DISP1: variants seen among roughly 807,000 people sequenced by gnomAD.
DISP1 encodes the protein protein dispatched homolog 1.
Under a neutral mutation model 37.3 loss-of-function variants are expected in DISP1, and 30 were observed. The ratio of observed to expected loss-of-function variants is 0.80; its 90% CI spans 0.60 to 1.09. The LOEUF (loss-of-function observed/expected upper bound fraction) is 1.09. Ranked by LOEUF, DISP1 falls within the 50% of genes least tolerant of loss-of-function variation. The probability of loss-of-function intolerance (pLI) is 0.00; values close to 1 mark genes in which losing one functional copy is unlikely to be tolerated. For synonymous variants in DISP1, 634 were observed against 690.2 expected, an observed-to-expected ratio of 0.92 and a Z score of 1.28; for missense variants, 1,598 against 1,879.5, an observed-to-expected ratio of 0.85 and a Z score of 2.77.
At chr1:222,948,677 A>G (rs529920141) in intron 3 of DISP1, among the ~76,000 whole-genome samples, 1 of 152,332 alleles carries the variant, frequency 6.6e-6, no homozygotes, top group South Asian at 2.1e-4. Context: ...TAAGTACTTA[A>G]TGAAATGTTA....
intron 3 of DISP1, 98 bp downstream of exon 3, chr1:222,943,430 G>C: frequency 6.5e-7 from 1 of 1,537,904 alleles, no homozygotes; most frequent in Admixed American, 1.7e-5. Flanking sequence ...GAAAAATGAG[G>C]CACAGAAAGA....
chr1:222,929,339 T>C (rs2125454399), intron 2 of DISP1, among the ~76,000 whole-genome samples: 1 of 152,260 alleles, frequency 6.6e-6, no homozygotes, highest in East Asian at 1.9e-4. Flanking sequence ...ATTAGTTTAA[T>C]GTGAAATATG....
At chr1:222,936,642 G>GGT (rs1558339218) in intron 2 of DISP1, among the ~76,000 whole-genome samples, 37 of 95,042 alleles carry the variant, frequency 3.9e-4, no homozygotes, top group African/African-American at 1.7e-3. Context: ...ATATATATGA[G>GGT]ATATATATAT....
chr1:222,919,335 C>T (rs1423882659), intron 1 of DISP1, among the ~76,000 whole-genome samples: 1 of 152,280 alleles, frequency 6.6e-6, no homozygotes, highest in Admixed American at 6.5e-5. Context: ...AGGGAAGTCA[C>T]GCCCCGAGCG....
intron 1 of DISP1, among the ~76,000 whole-genome samples, chr1:222,818,150 G>C (rs528473535): frequency 5.3e-5 from 8 of 152,284 alleles, no homozygotes; most frequent in Admixed American, 3.3e-4. Flanking sequence ...ATTTGCATGG[G>C]GGGGTGGGGG....
chr1:222,938,862 T>C, intron 2 of DISP1, among the ~76,000 whole-genome samples: 1 of 151,692 alleles, frequency 6.6e-6, no homozygotes, highest in East Asian at 1.9e-4. Flanking sequence ...AGTGAAATAC[T>C]TTCCTATTCT....
At chr1:222,829,955 G>T (rs567439332) in intron 1 of DISP1, among the ~76,000 whole-genome samples, 2 of 152,130 alleles carry the variant, frequency 1.3e-5, no homozygotes, top group Non-Finnish European at 2.9e-5. Flanking sequence ...TTAGCAGATG[G>T]TATTGATTTA....
chr1:222,871,715 C>G (rs1385274135), intron 1 of DISP1, among the ~76,000 whole-genome samples: 1 of 152,156 alleles, frequency 6.6e-6, no homozygotes, highest in African/African-American at 2.4e-5. Context: ...TCTAGATATA[C>G]AATCATGTCA....
At position 222,984,424 on chromosome 1, in the gene DISP1, AT is replaced by A. The variant is rs1301018862; in HGVS notation, c.539+1316del. The stretch of plus-strand genomic sequence containing the variant: ...GTCTCAAAAAAAAAAAAAAAAAAAT[AT>A]ATATATATATAGAGAGAGAGAGAGA... On this transcript the variant is annotated intron_variant, in intron 4 of 8. Coordinates refer to ENST00000675850, the MANE Select transcript of DISP1 (RefSeq NM_001377229.1). Among the ~76,000 whole-genome samples, 143 of 85,996 alleles carry A rather than the reference AT, an allele frequency of 1.7e-3. 8 individuals are homozygous for A. Among genetic ancestry groups the A allele is most frequent in the African/African-American group, 6.1e-3 (139 of 22,810 alleles). 56.4% of individuals were successfully genotyped at this position (85,996 alleles called of 152,430 possible).
At chr1:222,841,513 G>A (rs1667611034) in intron 1 of DISP1, among the ~76,000 whole-genome samples, 1 of 152,186 alleles carries the variant, frequency 6.6e-6, no homozygotes, top group South Asian at 2.1e-4. Flanking sequence ...CAAAGTTTAT[G>A]TGTTTAACCA....
chr1:222,845,020 A>G (rs1667823556), intron 1 of DISP1, among the ~76,000 whole-genome samples: 1 of 152,138 alleles, frequency 6.6e-6, no homozygotes. Flanking sequence ...TTTTGACTCT[A>G]TATTTCAGGA....
intron 3 of DISP1, among the ~76,000 whole-genome samples, chr1:222,954,374 G>C (rs928186570): frequency 6.6e-6 from 1 of 151,980 alleles, no homozygotes; most frequent in African/African-American, 2.4e-5. Context: ...CTGATTACTT[G>C]GTATTTTGGA....
At chr1:222,846,546 G>A (rs1269872398) in intron 1 of DISP1, among the ~76,000 whole-genome samples, 1 of 152,106 alleles carries the variant, frequency 6.6e-6, no homozygotes, top group Non-Finnish European at 1.5e-5. Context: ...ACTAGAACTA[G>A]GATAGCAGTT....
chr1:222,825,651 C>G (rs1425748756), intron 1 of DISP1, among the ~76,000 whole-genome samples: 1 of 151,978 alleles, frequency 6.6e-6, no homozygotes, highest in Non-Finnish European at 1.5e-5. Context: ...CAGGCGCCCA[C>G]CACCACACCT....
At chr1:222,925,439 A>G (rs1673026483) in intron 1 of DISP1, among the ~76,000 whole-genome samples, 1 of 152,068 alleles carries the variant, frequency 6.6e-6, no homozygotes, top group Non-Finnish European at 1.5e-5. Flanking sequence ...AAATACCTTC[A>G]TTTTTATTTT....
intron 1 of DISP1, among the ~76,000 whole-genome samples, chr1:222,864,214 C>T (rs1208065482): frequency 6.6e-6 from 1 of 152,198 alleles, no homozygotes; most frequent in African/African-American, 2.4e-5. Context: ...CAGTGAGAAA[C>T]CTGGCTCCAT....
chr1:222,893,742 G>A lies in DISP1; in HGVS notation c.-158-34688G>A, dbSNP rs1010169142. ...AAGAGAGTGTCACAACCCTGGCTCC[G>A]GGAGCTCCTAGATGTGGGCTCCCTT... is the stretch of plus-strand genomic sequence containing the variant. On this transcript the variant is annotated intron_variant, in intron 1 of 8. Coordinates refer to ENST00000675850, the MANE Select transcript of DISP1 (RefSeq NM_001377229.1). The surrounding 1 kb of genome is among the most constrained non-coding windows in gnomAD (Gnocchi z 4.3). 4.6e-5 allele frequency among the ~76,000 whole-genome samples: 7 copies of A among 152,176 alleles called. No individual in the cohort carries two copies. Among genetic ancestry groups the A allele is most frequent in the African/African-American group, 1.4e-4 (6 of 41,446 alleles).
intron 1 of DISP1, among the ~76,000 whole-genome samples, chr1:222,901,193 T>G (rs1480370665): frequency 2.0e-5 from 3 of 152,220 alleles, no homozygotes; most frequent in Non-Finnish European, 4.4e-5. Flanking sequence ...TTGTATATTC[T>G]TACTGTATTC....
At chr1:222,860,912 C>T (rs947855518) in intron 1 of DISP1, among the ~76,000 whole-genome samples, 1 of 151,886 alleles carries the variant, frequency 6.6e-6, no homozygotes, top group African/African-American at 2.4e-5. Flanking sequence ...AAAGTGATTG[C>T]TAGAAAAAAG....
Sources: gnomAD v4.1 joint callset for allele counts (sites outside exome capture counted in the v4.1 genomes callset) on GRCh38, gnomAD v4.1.1 for gene constraint, Gnocchi (gnomAD v3.1) non-coding constraint, MANE v1.5 for transcripts, NCBI Gene and HGNC (gene_info 2026-07-23, HGNC 2026-07-21) for gene names.